The following USP40 variants were observed in gnomAD, a reference collection of about 807,000 sequenced individuals.
The protein encoded by USP40 is ubiquitin specific peptidase 40.
USP40 carries 143 observed loss-of-function variants against 166.2 expected under a neutral mutation model. That is an observed-to-expected ratio of 0.86 (90% CI 0.75 to 0.99). USP40 has a LOEUF of 0.99. USP40 is among the 50% of genes least tolerant of loss of function. USP40 has a pLI of 0.00. For synonymous variants in USP40, 498 were observed against 524.0 expected, an observed-to-expected ratio of 0.95 and a Z score of 0.68; for missense variants, 1,444 against 1,479.7, an observed-to-expected ratio of 0.98 and a Z score of 0.40.
At chr2:233,544,351 GC>G (rs1260572713) in intron 8 of USP40, among the ~76,000 whole-genome samples, 1 of 152,098 alleles carries the variant, frequency 6.6e-6, no homozygotes, top group African/African-American at 2.4e-5. Flanking sequence ...ACCCAGAAAT[GC>G]CCCAAACCTA....
intron 10 of USP40, among the ~76,000 whole-genome samples, chr2:233,536,676 G>A (rs2068958890): frequency 1.3e-5 from 2 of 151,966 alleles, no homozygotes; most frequent in Admixed American, 1.3e-4. Flanking sequence ...AAAGCCCCCA[G>A]AACATCCAAG....
intron 9 of USP40, 29 bp downstream of exon 9, chr2:233,542,239 A>G (rs1189466897): frequency 7.5e-7 from 1 of 1,332,818 alleles, no homozygotes; most frequent in East Asian, 2.5e-5. Flanking sequence ...CATACCATAC[A>G]TACAAATACA....
At chr2:233,549,025 A>G in intron 8 of USP40, 76 bp downstream of exon 8, 1 of 1,433,910 alleles carries the variant, frequency 7.0e-7, no homozygotes, top group Non-Finnish European at 9.4e-7. Context: ...TAAATGGTAA[A>G]CAAAATTTCC....
At chr2:233,531,947 C>A (rs1242944992) in intron 11 of USP40, among the ~76,000 whole-genome samples, 1 of 152,254 alleles carries the variant, frequency 6.6e-6, no homozygotes, top group Non-Finnish European at 1.5e-5. Flanking sequence ...TGTTTCACAC[C>A]GACTTCCTAG....
Position 233,559,825 on chromosome 2 carries a change from A to G in USP40, c.367T>C (p.Trp123Arg). 1 of 1,608,350 alleles carries G rather than the reference A, an allele frequency of 6.2e-7. No individual in the cohort carries two copies. ...GATCCTCGTACCTCATTACTGGTCC[A>G]CCCAAAGCTGTCAGTGAGGTCTGCT... ...STADLTDSFGWTSNEEMRQHD... is the reference protein window; with the variant it reads ...STADLTDSFGRTSNEEMRQHD... The change falls in exon 4 of 32, where the codon TGG becomes CGG. Residue 123 changes from tryptophan to arginine, a missense_variant. Trp to Arg is a moderately radical substitution (Grantham distance 101). Transcript: ENST00000678225.
chr2:233,542,945 AT>A (rs1175494213), intron 8 of USP40, among the ~76,000 whole-genome samples: 1 of 152,214 alleles, frequency 6.6e-6, no homozygotes, highest in Non-Finnish European at 1.5e-5. Context: ...TTGAGTTTTC[AT>A]TAAAATTCAG....
chr2:233,519,373 T>A (rs1366326757), intron 18 of USP40: 11 of 410,476 alleles, frequency 2.7e-5, no homozygotes, highest in Non-Finnish European at 1.8e-5. Flanking sequence ...TCAGATATAC[T>A]CATTGTATCT....
intron 23 of USP40, among the ~76,000 whole-genome samples, chr2:233,497,607 C>T (rs943790015): frequency 1.3e-5 from 2 of 152,166 alleles, no homozygotes; most frequent in African/African-American, 4.8e-5. Flanking sequence ...AACGAGAAGC[C>T]AGTTCCAAGG....
chr2:233,522,982 AC>A, intron 16 of USP40, among the ~76,000 whole-genome samples, 187 bp downstream of exon 16: 1 of 152,346 alleles, frequency 6.6e-6, no homozygotes, highest in East Asian at 1.9e-4. Context: ...AAGTCCCTTT[AC>A]AAAAAATCAT....
In USP40 at chr2:233,565,441, G is replaced by A; in HGVS notation, c.114C>T (p.Thr38=). 2 of 1,537,198 alleles carry A rather than the reference G, an allele frequency of 1.3e-6. No homozygotes were observed. The highest frequency in any genetic ancestry group is 1.7e-6 in the Non-Finnish European group (2 of 1,146,852). ...CCTGATTTCTGATTCCGCTTAAATT[G>A]GTGAATTCTCTAGGAGCAGGTGGCT... ...ALEPPAPREF[T]NLSGIRNQGG... Residue 38 remains threonine, a synonymous_variant, in exon 2 of 32, where the codon ACC becomes ACT. Coordinates refer to ENST00000678225, the MANE Select transcript of USP40 (RefSeq NM_001365479.2).
chr2:233,485,790 C>A lies in USP40; in HGVS notation c.3385G>T (p.Glu1129Ter). 4 of 1,612,570 alleles carry A rather than the reference C, an allele frequency of 2.5e-6. No homozygotes were observed. The highest frequency in any genetic ancestry group is 3.4e-6 in the Non-Finnish European group (4 of 1,179,464). Residue 1129 changes from glutamate to a stop codon, truncating the protein, a stop_gained, in exon 29 of 32, where the codon GAG (glutamate) becomes TAG (stop). Transcript: ENST00000678225. LOFTEE classifies it high-confidence loss of function. ...EIAKYFPEKF[E>*]WLPISSWNQQ... The stretch of plus-strand genomic sequence containing the variant: ...ACCCAGCTAGATATCGGAAGCCACT[C>A]GAACTTTTCGGGAAAGTATTTGGCA...
Position 233,529,436 on chromosome 2 carries a change from G to T in USP40, c.1548C>A (p.Thr516=). ...EMDAANIELQ[T]KRAECDSANN... is the part of the protein sequence containing the mutation. The stretch of plus-strand genomic sequence containing the variant: ...TAAAAGCAATTTAAAATTACCTTTT[G>T]GTTTGCAGTTCAATGTTAGCTGCAT... Residue 516 remains threonine, a synonymous_variant, in exon 12 of 32, where the codon ACC becomes ACA. Transcript: ENST00000678225. 1 of 1,563,740 alleles carries T rather than the reference G, an allele frequency of 6.4e-7. No homozygotes were observed. Among genetic ancestry groups the T allele is most frequent in the Admixed American group, 1.9e-5 (1 of 52,802 alleles).
chr2:233,531,848 T>C (rs1484987674), intron 11 of USP40, among the ~76,000 whole-genome samples: 1 of 152,210 alleles, frequency 6.6e-6, no homozygotes, highest in Non-Finnish European at 1.5e-5. Flanking sequence ...GAGCGGACTT[T>C]GAGAAGTGAT....
chr2:233,523,563 T>TAAG, intron 15 of USP40, 74 bp from the exon 16 acceptor site: 1 of 1,378,582 alleles, frequency 7.3e-7, no homozygotes, highest in Non-Finnish European at 9.8e-7. Flanking sequence ...GGTAAAAGAT[T>TAAG]ACTCTTAGAG....
chr2:233,491,603 C>CGT (rs3075066), intron 25 of USP40, among the ~76,000 whole-genome samples: 122 of 150,034 alleles, frequency 8.1e-4, no homozygotes, highest in Non-Finnish European at 1.3e-3. Flanking sequence ...ACCTGTTCCT[C>CGT]GTGTGTGTGT....
At chr2:233,559,168 C>T (rs1275251717) in intron 4 of USP40, among the ~76,000 whole-genome samples, 1 of 152,140 alleles carries the variant, frequency 6.6e-6, no homozygotes, top group Non-Finnish European at 1.5e-5. Flanking sequence ...TTACTCATTG[C>T]TGACAAGTGT....
chr2:233,564,275 G>C (rs1046125090), intron 2 of USP40, among the ~76,000 whole-genome samples: 1 of 152,144 alleles, frequency 6.6e-6, no homozygotes, highest in Non-Finnish European at 1.5e-5. Context: ...AGAGGAACAT[G>C]GCAAACCAGA....
At chr2:233,478,218 G>C (rs1379992969) in intron 31 of USP40, among the ~76,000 whole-genome samples, 1 of 152,220 alleles carries the variant, frequency 6.6e-6, no homozygotes, top group Non-Finnish European at 1.5e-5. Flanking sequence ...AGAAGGCTGG[G>C]TACCGGGAAG....
intron 24 of USP40, 115 bp downstream of exon 24, chr2:233,496,643 C>A: frequency 1.6e-6 from 1 of 637,554 alleles, no homozygotes; most frequent in Non-Finnish European, 2.5e-6. Context: ...GAAAGTTCTC[C>A]CTTCTCTTTA....
Sources: gnomAD v4.1 joint callset for allele counts (sites outside exome capture counted in the v4.1 genomes callset) on GRCh38, gnomAD v4.1.1 for gene constraint, MANE v1.5 for transcripts, NCBI Gene and HGNC (gene_info 2026-07-23, HGNC 2026-07-21) for gene names.